The following ABAT variants were observed in gnomAD, a reference collection of about 807,000 sequenced individuals.
ABAT encodes the protein 4-aminobutyrate aminotransferase, mitochondrial.
In ABAT, 45 loss-of-function variants were observed where a neutral mutation model predicts 64.6. The observed-to-expected ratio is 0.70, with a 90% CI of 0.55 to 0.89. ABAT has a LOEUF of 0.89. Among genes scored for constraint, ABAT ranks in the 40% least tolerant of loss-of-function variants. ABAT has a pLI of 0.00. For missense variants in ABAT, 633 were observed against 658.4 expected (o/e 0.96, Z 0.42); for synonymous variants, 297 against 250.5 (o/e 1.19, Z -1.75).
At chr16:8,687,295 C>A (rs935208623) in intron 1 of ABAT, among the ~76,000 whole-genome samples, 16 of 152,112 alleles carry the variant, frequency 1.1e-4, no homozygotes, top group Non-Finnish European at 5.9e-5. Flanking sequence ...GAGGCTGAGG[C>A]GGGCGAATCA....
rs890411626 is a variant in ABAT, at chr16:8,709,522, T to C, written c.-41-26177T>C. Among the ~76,000 whole-genome samples the C allele has an allele frequency of 5.3e-5, 8 of 152,242 alleles. No homozygotes were observed. The East Asian group carries it at 1.5e-3, about 29-fold the overall frequency. On this transcript the variant is annotated intron_variant, in intron 1 of 15. Transcript: ENST00000268251. Reference sequence around the variant, plus strand: ...CAGAGTATCAGGGATTACAGGCTCCTGCCACCATACCCAGCTAATTTTTGT... The same window carrying C: ...CAGAGTATCAGGGATTACAGGCTCCCGCCACCATACCCAGCTAATTTTTGT...
intron 1 of ABAT, among the ~76,000 whole-genome samples, chr16:8,710,683 T>TGAGAGAGAGAGAGAGAGAGAGAGAGA (rs762237876): frequency 1.1e-5 from 1 of 87,774 alleles, no homozygotes. Context: ...AAGGCTGCAC[T>TGAGAGAGAGAGAGAGAGAGAGAGAGA]GAGAGAGAGA....
chr16:8,743,441 A>G (rs868629342), intron 2 of ABAT, among the ~76,000 whole-genome samples: 3 of 89,018 alleles, frequency 3.4e-5, no homozygotes, highest in African/African-American at 1.1e-4. Flanking sequence ...ATATATATAT[A>G]TATACACACA....
chr16:8,710,720 G>GAT (rs2058049862), intron 1 of ABAT, among the ~76,000 whole-genome samples: 2 of 144,508 alleles, frequency 1.4e-5, no homozygotes, highest in Non-Finnish European at 3.1e-5. Context: ...GAGAGAGAGA[G>GAT]AGAGAGAGAG....
rs41312254 is a variant in ABAT at position 8,766,273 on chromosome 16, G to A, written c.603+3G>A. 14,248 of 1,613,772 alleles carry A rather than the reference G, an allele frequency of 8.8e-3. 75 individuals are homozygous for A. Among genetic ancestry groups the A allele is most frequent in the Middle Eastern group, 0.019 (116 of 6,060 alleles). On this transcript the variant is annotated splice_donor_region_variant and intron_variant, in intron 9 of 15. Transcript: ENST00000268251. ...TGGAGACGTGCATGATTAACCAGGT[G>A]AGTGCAGCTGGGCTTGCACCACGTA...
chr16:8,690,321 C>T (rs2057551258), intron 1 of ABAT, among the ~76,000 whole-genome samples: 1 of 152,180 alleles, frequency 6.6e-6, no homozygotes, highest in African/African-American at 2.4e-5. Context: ...TGAACTGTTT[C>T]TCCTCATTCA....
intron 1 of ABAT, among the ~76,000 whole-genome samples, chr16:8,717,198 G>A (rs760267585): frequency 1.3e-5 from 2 of 152,158 alleles, no homozygotes; most frequent in Non-Finnish European, 2.9e-5. Context: ...GCTGAGGCAG[G>A]AGAATCGCTT....
chr16:8,737,989 G>GGA, intron 2 of ABAT, among the ~76,000 whole-genome samples: 1 of 16,962 alleles, frequency 5.9e-5, no homozygotes, highest in Non-Finnish European at 1.1e-4. Flanking sequence ...AGGAAGGAAG[G>GGA]AGGAAAGAAA....
At chr16:8,775,432 A>G (rs2060238953) in intron 13 of ABAT, among the ~76,000 whole-genome samples, 1 of 152,178 alleles carries the variant, frequency 6.6e-6, no homozygotes, top group African/African-American at 2.4e-5. Flanking sequence ...TTGACTAATG[A>G]GGAATCAGGC....
chr16:8,776,553 A>G lies in ABAT; in HGVS notation c.1269+63A>G. On this transcript the variant is annotated intron_variant, in intron 14 of 15. Coordinates refer to ENST00000268251, the MANE Select transcript of ABAT (RefSeq NM_020686.6). The surrounding 1 kb of genome is among the most constrained non-coding windows in gnomAD (Gnocchi z 4.4). ...GGCTCCCCGCAGCAGCCTCCGGGGC[A>G]ACACTGGAGCTCTTCGGCATGGTGT... 12 of 1,454,742 alleles carry G rather than the reference A, an allele frequency of 8.2e-6. No homozygotes were observed. Among genetic ancestry groups the G allele is most frequent in the Non-Finnish European group, 1.0e-5 (11 of 1,072,572 alleles). 90.1% of individuals were successfully genotyped at this position (1,454,742 alleles called of 1,614,324 possible).
At chr16:8,693,500 G>A (rs769189880) in intron 1 of ABAT, among the ~76,000 whole-genome samples, 3 of 152,030 alleles carry the variant, frequency 2.0e-5, no homozygotes, top group Non-Finnish European at 2.9e-5. Flanking sequence ...TCTGAGTGTC[G>A]CTCTGTCACC....
chr16:8,779,636 C>G (rs1079349), intron 15 of ABAT, 46 bp downstream of exon 15: 1 of 1,500,190 alleles, frequency 6.7e-7, no homozygotes, highest in Non-Finnish European at 9.2e-7. Context: ...CATCCAGTAT[C>G]TCCTGCTGTA....
chr16:8,764,864 C>G lies in ABAT; in HGVS notation c.540+34C>G. The stretch of plus-strand genomic sequence containing the variant: ...TGGGGCACACACACACACACACACA[C>G]AGGCTCCCCAGCACCCAGCCACACG... On this transcript the variant is annotated intron_variant, in intron 8 of 15. Transcript: ENST00000268251. This position sits in a 1 kb window ranked among gnomAD's most constrained non-coding sequence, Gnocchi z 4.2. 1 of 1,508,928 alleles carries G rather than the reference C, an allele frequency of 6.6e-7. No homozygotes were observed. The highest frequency in any genetic ancestry group is 9.2e-7 in the Non-Finnish European group (1 of 1,085,968). 93.5% of individuals were successfully genotyped at this position (1,508,928 alleles called of 1,614,324 possible). A position where few individuals can be genotyped will look rare whatever the true frequency, so the allele number is the denominator to read the frequency against.
rs893522947 is a variant in ABAT, at chr16:8,737,539, A to T, written c.70+1730A>T. ...AAAATTTTAGATTTACAGAGAAGTT[A>T]CAAAGATATTACAGGGAGAACCCAT... On this transcript the variant is annotated intron_variant, in intron 2 of 15. Transcript: ENST00000268251. The T allele has an allele frequency of 3.3e-5, 5 of 152,226 alleles. No homozygotes were observed. In the East Asian group the frequency reaches 9.7e-4, roughly 29 times the overall value. The allele number at this position is 152,226 out of a possible 1,614,324, so 9.4% of individuals were successfully genotyped here.
At chr16:8,689,114 G>A (rs1273353) in intron 1 of ABAT, among the ~76,000 whole-genome samples, 63,340 of 150,128 alleles carry the variant, frequency 0.42, 13,665 homozygotes, top group East Asian at 0.64. Context: ...CGTCATTTGT[G>A]TTGTTTCTTC....
At chr16:8,734,923 C>T (rs2058868328) in intron 1 of ABAT, among the ~76,000 whole-genome samples, 1 of 151,922 alleles carries the variant, frequency 6.6e-6, no homozygotes, top group African/African-American at 2.4e-5. Context: ...GAATGGCAAT[C>T]AGGGCTGGAC....
At chr16:8,684,533 C>G (rs1235358323) in intron 1 of ABAT, among the ~76,000 whole-genome samples, 2 of 152,016 alleles carry the variant, frequency 1.3e-5, no homozygotes, top group African/African-American at 4.8e-5. Context: ...CATAGCAAGA[C>G]CCCTCAAGAC....
chr16:8,773,158 ATTT>A (rs57095363), intron 12 of ABAT, among the ~76,000 whole-genome samples: 4 of 126,910 alleles, frequency 3.2e-5, no homozygotes, highest in African/African-American at 9.8e-5. Context: ...ATATATATAT[ATTT>A]TTTTTTTTGA....
chr16:8,728,555 GA>G (rs66482875), intron 1 of ABAT, among the ~76,000 whole-genome samples: 95,756 of 151,710 alleles, frequency 0.63, 30,659 homozygotes, highest in Admixed American at 0.7. Flanking sequence ...TCCTGGAATA[GA>G]AAAAAAAAAT....
Sources: gnomAD v4.1 joint callset for allele counts (sites outside exome capture counted in the v4.1 genomes callset) on GRCh38, gnomAD v4.1.1 for gene constraint, Gnocchi (gnomAD v3.1) non-coding constraint, MANE v1.5 for transcripts, NCBI Gene and HGNC (gene_info 2026-07-23, HGNC 2026-07-21) for gene names.